The following SLC14A1 variants were observed in gnomAD, a reference collection of about 807,000 sequenced individuals.
SLC14A1 encodes the protein urea transporter 1.
In SLC14A1, 36 loss-of-function variants were observed where a neutral mutation model predicts 39.6. The observed-to-expected ratio is 0.91, with a 90% CI of 0.70 to 1.20. The LOEUF (loss-of-function observed/expected upper bound fraction) is 1.20, where lower values mean the gene tolerates loss of function less well. Ranked by LOEUF, SLC14A1 falls within the 50% of genes most tolerant of loss-of-function variation. The probability of loss-of-function intolerance (pLI) is 0.00; values close to 1 mark genes in which losing one functional copy is unlikely to be tolerated. For synonymous variants in SLC14A1, 164 were observed against 173.6 expected (o/e 0.94, Z 0.43); for missense variants, 469 against 478.7 (o/e 0.98, Z 0.19).
intron 8 of SLC14A1, 99 bp from the exon 9 acceptor site, chr18:45,748,277 A>C (rs1011326635): frequency 2.6e-5 from 32 of 1,242,072 alleles, no homozygotes; most frequent in Non-Finnish European, 3.7e-5. Context: ...TAATCAGGGC[A>C]CTGTGCATTC....
In SLC14A1 at chr18:45,751,485, C is replaced by T. The variant is rs1012320738; in HGVS notation, c.*1534C>T. On this transcript the variant is annotated 3_prime_UTR_variant, in exon 10 of 10. Coordinates refer to ENST00000321925, the MANE Select transcript of SLC14A1 (RefSeq NM_015865.7). ...CTGTAACCAAACATACTGAAGACAG[C>T]AACAGAAGTCACGTTCAGGGACTGG... 74 of 984,540 alleles carry T rather than the reference C, an allele frequency of 7.5e-5. No homozygotes were observed. The highest frequency in any genetic ancestry group is 6.8e-4 in the Admixed American group (11 of 16,184). 61.0% of individuals were successfully genotyped at this position (984,540 alleles called of 1,614,324 possible).
At chr18:45,727,536 G>A in intron 2 of SLC14A1, 1 of 1,223,266 alleles carries the variant, frequency 8.2e-7, no homozygotes, top group East Asian at 2.6e-5. Flanking sequence ...TAAGCCAAAG[G>A]CACAGGGATC....
chr18:45,746,049 G>T (rs1024940062), intron 8 of SLC14A1, among the ~76,000 whole-genome samples: 1 of 152,214 alleles, frequency 6.6e-6, no homozygotes, highest in African/African-American at 2.4e-5. Flanking sequence ...ACCTGGCACT[G>T]CTGTCTTTCT....
At chr18:45,731,229 T>C in intron 4 of SLC14A1, 25 bp downstream of exon 4, 1 of 1,610,238 alleles carries the variant, frequency 6.2e-7, no homozygotes, top group East Asian at 2.2e-5. Context: ...TCAAGCCTTC[T>C]CAGCTCCCTT....
intron 8 of SLC14A1, among the ~76,000 whole-genome samples, chr18:45,742,936 T>C (rs1449314024): frequency 1.3e-5 from 2 of 151,682 alleles, no homozygotes; most frequent in Non-Finnish European, 2.9e-5. Context: ...TCCACCTGCC[T>C]TGGCCTCCCA....
intron 8 of SLC14A1, chr18:45,747,049 T>G (rs1423060968): frequency 2.0e-5 from 3 of 152,172 alleles, no homozygotes; most frequent in African/African-American, 7.2e-5. Flanking sequence ...CAGAAGTCTA[T>G]GGTAAAGTAA....
At chr18:45,724,843 C>T (rs1168093015) in intron 1 of SLC14A1, 107 bp from the exon 2 acceptor site, 1 of 152,168 alleles carries the variant, frequency 6.6e-6, no homozygotes, top group Non-Finnish European at 1.5e-5. Context: ...GCTGCACTCT[C>T]TGGAGTCTGG....
intron 8 of SLC14A1, chr18:45,739,975 A>G (rs1298731504): frequency 2.5e-6 from 1 of 401,418 alleles, no homozygotes; most frequent in Non-Finnish European, 4.7e-6. Context: ...GAGATACACC[A>G]GCCCTTCCCT....
At chr18:45,728,650 A>G (rs140198606) in intron 2 of SLC14A1, among the ~76,000 whole-genome samples, 348 of 152,350 alleles carry the variant, frequency 2.3e-3, no homozygotes, top group Middle Eastern at 0.014. Flanking sequence ...GTACTTTTTC[A>G]TAAGTGCTTA....
chr18:45,736,304 T>C (rs1599280221), intron 5 of SLC14A1, 152 bp from the exon 6 acceptor site: 2 of 719,668 alleles, frequency 2.8e-6, no homozygotes, highest in East Asian at 5.3e-5. Context: ...TATAATAGGA[T>C]TTATCCCAAG....
chr18:45,738,357 T>G (rs1400465780), intron 6 of SLC14A1, among the ~76,000 whole-genome samples: 1 of 152,208 alleles, frequency 6.6e-6, no homozygotes, highest in Non-Finnish European at 1.5e-5. Flanking sequence ...ATTATGCCTA[T>G]CCTAGCCCTA....
At position 45,731,013 on chromosome 18, in the gene SLC14A1, A is replaced by G. The variant is rs775561079; in HGVS notation, c.152-2A>G. ...AGCTCTGCTTTACCTCATCCCTTCC[A>G]GACAAACCCGTGGTGCTCCAGTTCA... On this transcript the variant is annotated splice_acceptor_variant, in intron 3 of 9. Transcript: ENST00000321925. LOFTEE classifies it high-confidence loss of function. The G allele has an allele frequency of 6.2e-7, 1 of 1,614,104 alleles. No homozygotes were observed. The highest frequency in any genetic ancestry group is 1.1e-5 in the South Asian group (1 of 91,086).
chr18:45,734,718 G>A (rs1327781853), intron 5 of SLC14A1, among the ~76,000 whole-genome samples: 1 of 152,044 alleles, frequency 6.6e-6, no homozygotes, highest in East Asian at 1.9e-4. Context: ...CCAGTTCTCC[G>A]AACCTCCTTG....
At chr18:45,746,469 C>T (rs983821267) in intron 8 of SLC14A1, among the ~76,000 whole-genome samples, 5 of 152,110 alleles carry the variant, frequency 3.3e-5, no homozygotes, top group South Asian at 2.1e-4. Context: ...CAGTATGAGA[C>T]GTAAACGTGC....
At chr18:45,748,538 T>C in intron 9 of SLC14A1, 113 bp downstream of exon 9, 1 of 1,029,994 alleles carries the variant, frequency 9.7e-7, no homozygotes. Flanking sequence ...TCCATGACCA[T>C]GAGAAGCACT....
chr18:45,733,918 G>C (rs554835762), intron 4 of SLC14A1, among the ~76,000 whole-genome samples: 1 of 152,184 alleles, frequency 6.6e-6, no homozygotes, highest in Non-Finnish European at 1.5e-5. Context: ...GAGGGATCTA[G>C]GTTGCTTGCT....
chr18:45,749,752 G>A, intron 9 of SLC14A1, 26 bp from the exon 10 acceptor site: 1 of 1,614,090 alleles, frequency 6.2e-7, no homozygotes, highest in Non-Finnish European at 8.5e-7. Flanking sequence ...TCTGAAAGGA[G>A]CGTGTGGCTT....
chr18:45,730,555 G>A (rs1288508013), intron 3 of SLC14A1, 84 bp downstream of exon 3: 1 of 1,439,778 alleles, frequency 6.9e-7, no homozygotes, highest in Non-Finnish European at 9.7e-7. Context: ...TATACCTTTA[G>A]TTATATTCTC....
chr18:45,747,763 T>C (rs182285691), intron 8 of SLC14A1, among the ~76,000 whole-genome samples: 1 of 152,334 alleles, frequency 6.6e-6, no homozygotes, highest in Non-Finnish European at 1.5e-5. Flanking sequence ...GAAGATGTTA[T>C]CAAGGGGAGG....
Sources: gnomAD v4.1 joint callset for allele counts (sites outside exome capture counted in the v4.1 genomes callset) on GRCh38, gnomAD v4.1.1 for gene constraint, MANE v1.5 for transcripts, NCBI Gene and HGNC (gene_info 2026-07-23, HGNC 2026-07-21) for gene names.